Variants in RYR2 observed in about 807,000 individuals in gnomAD.
The protein encoded by RYR2 is ryanodine receptor 2.
In RYR2, 227 loss-of-function variants were observed where a neutral mutation model predicts 601.1. That is an observed-to-expected ratio of 0.38 (90% CI 0.34 to 0.42). The LOEUF is 0.42. Among genes scored for constraint, RYR2 ranks in the 10% least tolerant of loss-of-function variants. The pLI, the probability that RYR2 is intolerant of heterozygous loss-of-function variation, is 1.00. For missense variants in RYR2, 4,646 were observed against 6,156.5 expected, an observed-to-expected ratio of 0.75 and a Z score of 8.21; for synonymous variants, 2,223 against 2,175.1, an observed-to-expected ratio of 1.02 and a Z score of -0.61.
intron 1 of RYR2, among the ~76,000 whole-genome samples, chr1:237,254,056 T>C (rs556613937): frequency 3.3e-5 from 5 of 152,312 alleles, no homozygotes; most frequent in South Asian, 2.1e-4. Flanking sequence ...AAACATGAAA[T>C]TGGGGAGATA....
At chr1:237,443,466 G>C (rs879688482) in intron 13 of RYR2, among the ~76,000 whole-genome samples, 9 of 152,098 alleles carry the variant, frequency 5.9e-5, no homozygotes, top group Non-Finnish European at 1.2e-4. Context: ...AAAATCATGT[G>C]TTGTGTCTTT....
chr1:237,577,023 G>C (rs1292214700), intron 29 of RYR2, among the ~76,000 whole-genome samples: 1 of 152,088 alleles, frequency 6.6e-6, no homozygotes, highest in Non-Finnish European at 1.5e-5. Flanking sequence ...AGCTCAAATT[G>C]GTCTCTCCAC....
At chr1:237,652,161 A>G (rs1477818306) in intron 51 of RYR2, among the ~76,000 whole-genome samples, 1 of 152,242 alleles carries the variant, frequency 6.6e-6, no homozygotes, top group Non-Finnish European at 1.5e-5. Flanking sequence ...CTTTAAAGAC[A>G]ACATTTTCTA....
chr1:237,423,565 A>G (rs942414163), intron 12 of RYR2, among the ~76,000 whole-genome samples: 1 of 152,182 alleles, frequency 6.6e-6, no homozygotes. Context: ...ACATGAAAAT[A>G]CCTATTATAC....
intron 1 of RYR2, among the ~76,000 whole-genome samples, chr1:237,166,642 T>A (rs1002797720): frequency 6.6e-6 from 1 of 152,184 alleles, no homozygotes; most frequent in Admixed American, 6.5e-5. Flanking sequence ...CATTGAGTCA[T>A]GTAATGAGTA....
chr1:237,502,578 A>T (rs898571334), intron 21 of RYR2, among the ~76,000 whole-genome samples: 21 of 152,080 alleles, frequency 1.4e-4, no homozygotes, highest in Non-Finnish European at 2.5e-4. Context: ...AGCAACCCAG[A>T]TCCCTCACAG....
At chr1:237,131,112 G>A (rs901693321) in intron 1 of RYR2, among the ~76,000 whole-genome samples, 5 of 152,254 alleles carry the variant, frequency 3.3e-5, no homozygotes, top group Non-Finnish European at 7.4e-5. Flanking sequence ...GAAAGGGAAG[G>A]TGAAGCAGGA....
chr1:237,240,648 G>A (rs1255812140), intron 1 of RYR2, among the ~76,000 whole-genome samples: 1 of 123,156 alleles, frequency 8.1e-6, no homozygotes, highest in African/African-American at 3.1e-5. Context: ...GTGTTGTATT[G>A]CCCCCTCTAT....
rs115729629 is a variant in RYR2 at position 237,688,237 on chromosome 1, A to C, written c.9067+733A>C. 3.7e-3 allele frequency among the ~76,000 whole-genome samples: 561 copies of C among 152,282 alleles called. 1 individual carries two copies. The highest frequency in any genetic ancestry group is 0.013 in the African/African-American group (535 of 41,554). The stretch of plus-strand genomic sequence containing the variant: ...TTATAAACTGCCGAAGAAAATGTGA[A>C]CCCTTTGCTCTCTAGGTTTTGAGAC... On this transcript the variant is annotated intron_variant, in intron 63 of 104. Coordinates refer to ENST00000366574, the MANE Select transcript of RYR2 (RefSeq NM_001035.3).
intron 1 of RYR2, among the ~76,000 whole-genome samples, chr1:237,208,884 C>G (rs1682119695): frequency 7.0e-6 from 1 of 143,828 alleles, no homozygotes; most frequent in Admixed American, 7.1e-5. Flanking sequence ...CGCTATGACC[C>G]CTGGTAACTA....
intron 90 of RYR2, 31 bp downstream of exon 90, chr1:237,785,003 T>C: frequency 7.0e-7 from 1 of 1,437,210 alleles, no homozygotes; most frequent in Non-Finnish European, 9.5e-7. Context: ...AGCAGCATTC[T>C]CTCTGGACTT....
intron 99 of RYR2, among the ~76,000 whole-genome samples, chr1:237,807,572 G>T (rs941681960): frequency 6.6e-6 from 1 of 152,028 alleles, no homozygotes; most frequent in African/African-American, 2.4e-5. Context: ...GGCTGGTCTC[G>T]AACTTCTGAC....
At chr1:237,306,803 G>T (rs1693918043) in intron 2 of RYR2, among the ~76,000 whole-genome samples, 2 of 152,138 alleles carry the variant, frequency 1.3e-5, no homozygotes, top group African/African-American at 4.8e-5. Context: ...GGCATGAAAG[G>T]TTAGATAACC....
chr1:237,820,560 C>T (rs1219529524), intron 101 of RYR2, among the ~76,000 whole-genome samples: 4 of 152,220 alleles, frequency 2.6e-5, no homozygotes, highest in African/African-American at 2.4e-5. Context: ...CTGCCTATGC[C>T]ACCAGGGCCC....
At chr1:237,545,249 A>C (rs756007817) in intron 25 of RYR2, among the ~76,000 whole-genome samples, 2 of 152,264 alleles carry the variant, frequency 1.3e-5, no homozygotes, top group Non-Finnish European at 2.9e-5. Context: ...GATTTTGTCA[A>C]TATTATCCAG....
chr1:237,654,562 A>T, intron 52 of RYR2, 148 bp downstream of exon 52: 1 of 689,686 alleles, frequency 1.4e-6, no homozygotes, highest in Non-Finnish European at 2.3e-6. Flanking sequence ...ACTTCATAAC[A>T]AATGTTGAAA....
At chr1:237,487,957 C>T (rs1662881516) in intron 17 of RYR2, among the ~76,000 whole-genome samples, 1 of 151,688 alleles carries the variant, frequency 6.6e-6, no homozygotes. Context: ...AATGTTAAAC[C>T]CCAAATTCTG....
In RYR2 at chr1:237,436,454, C is replaced by CTTTTT. The variant is rs551140501; in HGVS notation, c.1006-4845_1006-4841dup. Among the ~76,000 whole-genome samples, 22 of 48,722 alleles carry CTTTTT rather than the reference C, an allele frequency of 4.5e-4. 1 individual carries two copies. The highest frequency in any genetic ancestry group is 7.5e-4 in the South Asian group (1 of 1,330). 32.0% of individuals were successfully genotyped at this position (48,722 alleles called of 152,430 possible). ...AGCCGAGGGATAATGTGTGATTTTC[C>CTTTTT]TTTTTTTTTTTTTTTTTTTTTTTTG... On this transcript the variant is annotated intron_variant, in intron 12 of 104. Coordinates refer to ENST00000366574, the MANE Select transcript of RYR2 (RefSeq NM_001035.3).
chr1:237,508,969 C>T (rs985524226), intron 23 of RYR2, among the ~76,000 whole-genome samples: 1 of 151,806 alleles, frequency 6.6e-6, no homozygotes, highest in South Asian at 2.1e-4. Flanking sequence ...GTTTCGATCT[C>T]CTGACCTCGT....
Sources: gnomAD v4.1 joint callset for allele counts (sites outside exome capture counted in the v4.1 genomes callset) on GRCh38, gnomAD v4.1.1 for gene constraint, MANE v1.5 for transcripts, NCBI Gene and HGNC (gene_info 2026-07-23, HGNC 2026-07-21) for gene names.